PTPRN2: variants seen among roughly 807,000 people sequenced by gnomAD.
PTPRN2 encodes receptor-type tyrosine-protein phosphatase N2.
In PTPRN2, 74 loss-of-function variants were observed where a neutral mutation model predicts 118.8. That is an observed-to-expected ratio of 0.62 (90% CI 0.52 to 0.76). The LOEUF is 0.76. PTPRN2 is among the 30% of genes least tolerant of loss of function. PTPRN2 has a pLI of 0.00. For synonymous variants in PTPRN2, 641 were observed against 608.0 expected, an observed-to-expected ratio of 1.05 and a Z score of -0.80; for missense variants, 1,481 against 1,394.4, an observed-to-expected ratio of 1.06 and a Z score of -0.99.
chr7:158,231,629 C>G (rs1303288639), intron 3 of PTPRN2, among the ~76,000 whole-genome samples: 1 of 152,184 alleles, frequency 6.6e-6, no homozygotes, highest in Non-Finnish European at 1.5e-5. Context: ...ATAGGCTTGA[C>G]TGACATTTAT....
At position 157,942,644 on chromosome 7, in the gene PTPRN2, C is replaced by T. The variant is rs114518875; in HGVS notation, c.1724-43907G>A. Among the ~76,000 whole-genome samples the T allele has an allele frequency of 4.0e-3, 614 of 152,210 alleles. 6 individuals carry two copies. Among genetic ancestry groups the T allele is most frequent in the African/African-American group, 0.014 (573 of 41,532 alleles). On this transcript the variant is annotated intron_variant, in intron 11 of 22. Coordinates refer to ENST00000389418, the MANE Select transcript of PTPRN2 (RefSeq NM_002847.5). ...AACTTCTCCGCGTTCACCTGTACATCGCAAGTGTCTAAAAATGATGTGTAT... is the reference window on the plus strand; with the variant it reads ...AACTTCTCCGCGTTCACCTGTACATTGCAAGTGTCTAAAAATGATGTGTAT...
At chr7:157,710,842 G>A (rs1446158841) in intron 12 of PTPRN2, among the ~76,000 whole-genome samples, 1 of 117,664 alleles carries the variant, frequency 8.5e-6, no homozygotes, top group Middle Eastern at 4.4e-3. Flanking sequence ...CGGGTTACAC[G>A]CGAGAGCCCC....
chr7:158,205,975 C>T (rs750604259), intron 3 of PTPRN2, among the ~76,000 whole-genome samples: 2 of 152,134 alleles, frequency 1.3e-5, no homozygotes, highest in Admixed American at 6.6e-5. Context: ...GCTCTGGGGT[C>T]CTAAATAAAC....
In PTPRN2 at chr7:158,517,882, C is replaced by T. The variant is rs1823686272; in HGVS notation, c.113-28097G>A. Among the ~76,000 whole-genome samples the T allele has an allele frequency of 6.6e-6, 1 of 152,182 alleles. No individual in the cohort carries two copies. The highest frequency in any genetic ancestry group is 1.5e-5 in the Non-Finnish European group (1 of 68,042). On this transcript the variant is annotated intron_variant, in intron 1 of 22. Coordinates refer to ENST00000389418, the MANE Select transcript of PTPRN2 (RefSeq NM_002847.5). The surrounding 1 kb of genome is among the most constrained non-coding windows in gnomAD (Gnocchi z 5.3). The stretch of plus-strand genomic sequence containing the variant: ...CCAGGCCTTCACTAACATGCCACTG[C>T]AGAAAAACCTTCCCTCCCCCCCAGT...
chr7:158,252,704 G>T (rs1311008098), intron 3 of PTPRN2, among the ~76,000 whole-genome samples: 1 of 152,158 alleles, frequency 6.6e-6, no homozygotes, highest in Non-Finnish European at 1.5e-5. Flanking sequence ...CAAGGAGGAG[G>T]CTGACAGCCC....
intron 19 of PTPRN2, among the ~76,000 whole-genome samples, chr7:157,573,277 C>T (rs534417308): frequency 1.8e-4 from 27 of 152,256 alleles, no homozygotes; most frequent in Admixed American, 3.3e-4. Context: ...CAAGCAGGCT[C>T]AACTATCAGA....
chr7:158,023,464 C>A (rs1189394880), intron 11 of PTPRN2, among the ~76,000 whole-genome samples: 3 of 152,058 alleles, frequency 2.0e-5, no homozygotes, highest in Non-Finnish European at 4.4e-5. Context: ...AAAAAAATTT[C>A]TCTAATCTAT....
intron 6 of PTPRN2, among the ~76,000 whole-genome samples, chr7:158,151,784 C>G (rs1821199367): frequency 6.6e-6 from 1 of 152,226 alleles, no homozygotes; most frequent in Non-Finnish European, 1.5e-5. Flanking sequence ...CTCCTTTGCA[C>G]CAGCTACCTT....
At chr7:157,804,943 C>T (rs758882339) in intron 12 of PTPRN2, among the ~76,000 whole-genome samples, 1 of 152,202 alleles carries the variant, frequency 6.6e-6, no homozygotes, top group African/African-American at 2.4e-5. Flanking sequence ...CCAGGTTACC[C>T]TCTCGCCATG....
intron 12 of PTPRN2, among the ~76,000 whole-genome samples, chr7:157,704,297 G>A (rs568674982): frequency 6.6e-5 from 10 of 152,304 alleles, no homozygotes; most frequent in Admixed American, 6.5e-4. Context: ...GGACAGGGTG[G>A]CATCCACACC....
intron 12 of PTPRN2, among the ~76,000 whole-genome samples, chr7:157,884,177 G>C (rs1198367568): frequency 6.6e-6 from 1 of 151,422 alleles, no homozygotes; most frequent in Admixed American, 6.6e-5. Flanking sequence ...GACTGTCAGA[G>C]ACCAGAACAT....
chr7:157,742,403 A>G (rs1800686160), intron 12 of PTPRN2, among the ~76,000 whole-genome samples: 1 of 152,214 alleles, frequency 6.6e-6, no homozygotes, highest in African/African-American at 2.4e-5. Flanking sequence ...AGGACAGAAA[A>G]TATTCCTTTG....
intron 10 of PTPRN2, among the ~76,000 whole-genome samples, chr7:158,084,956 ACGCC>A (rs1813174424): frequency 7.6e-6 from 1 of 132,178 alleles, no homozygotes; most frequent in Non-Finnish European, 1.6e-5. Flanking sequence ...CACACCCACG[ACGCC>A]CATCCACACC....
chr7:158,295,534 A>G (rs1350922796), intron 3 of PTPRN2, among the ~76,000 whole-genome samples: 1 of 22,166 alleles, frequency 4.5e-5, no homozygotes, highest in Non-Finnish European at 8.7e-5. Flanking sequence ...TGGTTCACCC[A>G]CCTTTCCGAG....
chr7:157,751,348 G>GC (rs1461121564), intron 12 of PTPRN2, among the ~76,000 whole-genome samples: 9 of 152,308 alleles, frequency 5.9e-5, no homozygotes, highest in Non-Finnish European at 1.2e-4. Context: ...AATCCATGCG[G>GC]CGAACGCCCT....
chr7:158,584,509 C>T (rs574848041), intron 1 of PTPRN2, among the ~76,000 whole-genome samples: 123 of 152,276 alleles, frequency 8.1e-4, no homozygotes, highest in Non-Finnish European at 1.2e-3. Flanking sequence ...ACAAGCAAAG[C>T]TGAATCGTGT....
At position 158,587,694 on chromosome 7, in the gene PTPRN2, C is replaced by G; in HGVS notation, c.-25G>C. On this transcript the variant is annotated 5_prime_UTR_variant, in exon 1 of 23. The change abolishes the stop of an existing upstream ORF in the 5' untranslated region. Coordinates refer to ENST00000389418, the MANE Select transcript of PTPRN2 (RefSeq NM_002847.5). ...TCCCCGCGGCCTGGCCGGCGGCGCTCAGTCCATGGCCGCGCGGGAGGCGGC... is the reference window on the plus strand; with the variant it reads ...TCCCCGCGGCCTGGCCGGCGGCGCTGAGTCCATGGCCGCGCGGGAGGCGGC... 1 of 1,189,918 alleles carries G rather than the reference C, an allele frequency of 8.4e-7. No individual in the cohort carries two copies. The highest frequency in any genetic ancestry group is 4.1e-5 in the South Asian group (1 of 24,420). 73.7% of individuals were successfully genotyped at this position (1,189,918 alleles called of 1,614,324 possible).
intron 12 of PTPRN2, among the ~76,000 whole-genome samples, chr7:157,746,565 C>T (rs1413857783): frequency 2.0e-5 from 3 of 149,922 alleles, no homozygotes; most frequent in South Asian, 2.1e-4. Flanking sequence ...ACAGTCCTCA[C>T]GGGGCCAAGG....
chr7:158,334,329 ACGT>A (rs1563160011), intron 2 of PTPRN2, among the ~76,000 whole-genome samples: 1 of 36,768 alleles, frequency 2.7e-5, no homozygotes. Context: ...TCACACCCAC[ACGT>A]CACTCACACC....
Sources: allele counts gnomAD v4.1 joint callset (sites outside exome capture counted in the v4.1 genomes callset), GRCh38; gene constraint gnomAD v4.1.1; non-coding constraint Gnocchi (gnomAD v3.1); transcripts MANE v1.5; gene names NCBI Gene and HGNC (gene_info 2026-07-23, HGNC 2026-07-21).